Variants in ROBO2 observed in about 807,000 individuals in gnomAD.
The protein encoded by ROBO2 is roundabout guidance receptor 2, also known as roundabout homolog 2.
Under a neutral mutation model 160.8 loss-of-function variants are expected in ROBO2, and 53 were observed. The ratio of observed to expected loss-of-function variants is 0.33; its 90% confidence interval spans 0.26 to 0.41. The LOEUF (loss-of-function observed/expected upper bound fraction) is 0.41, where lower values mean the gene tolerates loss of function less well. Ranked by LOEUF, ROBO2 falls within the 10% of genes least tolerant of loss-of-function variation. ROBO2 has a pLI of 1.00. For missense variants in ROBO2, 1,577 were observed against 1,722.4 expected (o/e 0.92, Z 1.49); for synonymous variants, 664 against 611.7 (o/e 1.09, Z -1.26).
chr3:77,501,058 T>C (rs1021376263), intron 5 of ROBO2, among the ~76,000 whole-genome samples: 2 of 152,218 alleles, frequency 1.3e-5, no homozygotes, highest in African/African-American at 4.8e-5. Context: ...GTCATTGCCA[T>C]GTGCGTAATG....
intron 2 of ROBO2, among the ~76,000 whole-genome samples, chr3:76,122,522 T>C (rs2070791882): frequency 6.6e-6 from 1 of 152,160 alleles, no homozygotes. Flanking sequence ...TTTTGGCATT[T>C]ATTGATTTTT....
intron 2 of ROBO2, among the ~76,000 whole-genome samples, chr3:77,127,080 C>A (rs77903344): frequency 6.6e-6 from 1 of 151,964 alleles, no homozygotes; most frequent in Non-Finnish European, 1.5e-5. Flanking sequence ...TGAGCCACCA[C>A]GCCAGGCCGA....
At chr3:76,390,626 C>G (rs1013981981) in intron 2 of ROBO2, among the ~76,000 whole-genome samples, 14 of 152,206 alleles carry the variant, frequency 9.2e-5, no homozygotes, top group African/African-American at 3.4e-4. Flanking sequence ...ATTCATAATC[C>G]CAGCCTACTT....
At chr3:76,041,127 C>T (rs1264570514) in intron 2 of ROBO2, among the ~76,000 whole-genome samples, 1 of 152,016 alleles carries the variant, frequency 6.6e-6, no homozygotes, top group Non-Finnish European at 1.5e-5. Context: ...TATTTCTATG[C>T]TTAATCGGAA....
chr3:76,058,537 T>G (rs1256576859), intron 2 of ROBO2, among the ~76,000 whole-genome samples: 1 of 148,910 alleles, frequency 6.7e-6, no homozygotes, highest in African/African-American at 2.5e-5. Flanking sequence ...GAGTGACGAT[T>G]TCCACTTGAT....
intron 16 of ROBO2, among the ~76,000 whole-genome samples, 168 bp from the exon 18 acceptor site, chr3:77,588,583 A>G (rs1314289039): frequency 6.6e-6 from 1 of 152,130 alleles, no homozygotes; most frequent in Non-Finnish European, 1.5e-5. Context: ...CGATTTGATT[A>G]TTCTTTTGAA....
chr3:76,629,909 G>A (rs2089917829), intron 2 of ROBO2, among the ~76,000 whole-genome samples: 2 of 152,154 alleles, frequency 1.3e-5, no homozygotes, highest in Admixed American at 1.3e-4. Context: ...TGAGAATTCT[G>A]GAGGTTGCCA....
chr3:76,836,436 G>GTTTTTTTTTTT (rs11321260), intron 2 of ROBO2, among the ~76,000 whole-genome samples: 1 of 136,880 alleles, frequency 7.3e-6, no homozygotes, highest in Non-Finnish European at 1.6e-5. Context: ...TAATTTTTTT[G>GTTTTTTTTTTT]TTTTTTTTTT....
Position 76,037,343 on chromosome 3 carries a change from C to T in ROBO2, c.109+99741C>T, listed in dbSNP as rs540333584. Among the ~76,000 whole-genome samples the T allele has an allele frequency of 1.2e-3, 174 of 151,122 alleles. 2 individuals are homozygous for T. Among genetic ancestry groups the T allele is most frequent in the African/African-American group, 4.0e-3 (163 of 40,926 alleles). Reference sequence around the variant, plus strand: ...CGCGATCTCGGCTCACTGCAACCTCCGCCTCCTGGCTTCAAGCGATTCTGC... The same window carrying T: ...CGCGATCTCGGCTCACTGCAACCTCTGCCTCCTGGCTTCAAGCGATTCTGC... On this transcript the variant is annotated intron_variant, in intron 2 of 26. Transcript: ENST00000487694.
chr3:76,297,365 T>C (rs1320650122), intron 2 of ROBO2, among the ~76,000 whole-genome samples: 1 of 152,166 alleles, frequency 6.6e-6, no homozygotes, highest in Non-Finnish European at 1.5e-5. Context: ...CATTGCCATG[T>C]CACACTTATA....
At chr3:76,326,866 G>T (rs1030208391) in intron 2 of ROBO2, among the ~76,000 whole-genome samples, 1 of 146,916 alleles carries the variant, frequency 6.8e-6, no homozygotes. Context: ...GAGAATATGC[G>T]GTGTTTGGTT....
intron 2 of ROBO2, among the ~76,000 whole-genome samples, chr3:76,227,940 A>T (rs572720774): frequency 2.0e-5 from 3 of 152,222 alleles, no homozygotes; most frequent in African/African-American, 7.2e-5. Context: ...TAAAGATATG[A>T]TCTAACCTTT....
intron 2 of ROBO2, among the ~76,000 whole-genome samples, chr3:76,720,354 G>T (rs1201449408): frequency 6.6e-6 from 1 of 152,150 alleles, no homozygotes; most frequent in African/African-American, 2.4e-5. Flanking sequence ...GCCTAAATGG[G>T]CTGAGACAGA....
rs201678507 is a variant in ROBO2, at chr3:77,580,008, G to T, written c.2390G>T (p.Arg797Leu). ...AACAAAACTGTGGATGCAGCCATTC[G>T]GTCCGTAATAATTGGTGGATTATTC... The change falls in exon 16 of 26, where the codon CGG becomes CTG. Residue 797 changes from arginine to leucine, a missense_variant. By Grantham distance (102) the Arg-to-Leu change is moderately radical. Coordinates refer to ENST00000461745, the Ensembl canonical transcript of ROBO2. 43 of 1,613,612 alleles carry T rather than the reference G, an allele frequency of 2.7e-5. No homozygotes were observed. The highest frequency in any genetic ancestry group is 4.4e-5 in the South Asian group (4 of 91,082).
chr3:77,473,633 T>C (rs1017677324), intron 2 of ROBO2, among the ~76,000 whole-genome samples: 10 of 151,736 alleles, frequency 6.6e-5, no homozygotes, highest in South Asian at 2.1e-4. Context: ...TTTTTTGGTA[T>C]TTTTAGTACA....
At chr3:76,043,904 T>C (rs2067365396) in intron 2 of ROBO2, among the ~76,000 whole-genome samples, 1 of 152,004 alleles carries the variant, frequency 6.6e-6, no homozygotes, top group Non-Finnish European at 1.5e-5. Flanking sequence ...CTCCACCCCA[T>C]GCATTTTGTC....
chr3:76,149,807 G>C (rs537952244), intron 2 of ROBO2, among the ~76,000 whole-genome samples: 1 of 145,670 alleles, frequency 6.9e-6, no homozygotes, highest in African/African-American at 2.6e-5. Context: ...ACACACATCT[G>C]TCTAAAGCAC....
chr3:76,922,493 A>C (rs2076731184), intron 2 of ROBO2, among the ~76,000 whole-genome samples: 1 of 152,224 alleles, frequency 6.6e-6, no homozygotes, highest in South Asian at 2.1e-4. Flanking sequence ...CAAAGCATTC[A>C]ACGGAAAGAG....
chr3:76,386,529 G>T (rs1055985186), intron 2 of ROBO2, among the ~76,000 whole-genome samples: 4 of 151,890 alleles, frequency 2.6e-5, no homozygotes, highest in South Asian at 2.1e-4. Flanking sequence ...TTTTTTAGGG[G>T]TTTTTAAAAG....
Sources: allele counts gnomAD v4.1 joint callset (sites outside exome capture counted in the v4.1 genomes callset), GRCh38; gene constraint gnomAD v4.1.1; transcripts MANE v1.5; gene names NCBI Gene and HGNC (gene_info 2026-07-23, HGNC 2026-07-21).